Variants in IDUA observed in about 807,000 individuals in gnomAD.
IDUA encodes iduronidase alpha-L-.
A neutral mutation model predicts 68.9 loss-of-function variants in IDUA; 65 were observed. That is an observed-to-expected ratio of 0.94 (90% CI 0.77 to 1.16). IDUA has a LOEUF of 1.16. IDUA is among the 50% of genes most tolerant of loss of function. IDUA has a pLI of 0.00. For missense variants in IDUA, 1,046 were observed against 938.0 expected, an observed-to-expected ratio of 1.12 and a Z score of -1.50; for synonymous variants, 529 against 433.6, an observed-to-expected ratio of 1.22 and a Z score of -2.73.
chr4:999,771 C>T (rs13128333), intron 2 of IDUA: 8 of 84,568 alleles, frequency 9.5e-5, no homozygotes, highest in South Asian at 4.9e-4. Context: ...CCTGTCCCCT[C>T]GTAATGCAGG....
chr4:990,195 T>C (rs1714163573), intron 2 of IDUA: 5 of 1,561,862 alleles, frequency 3.2e-6, no homozygotes, highest in African/African-American at 1.4e-5. Flanking sequence ...GGCTCAGCCA[T>C]GTGAGGACCA....
chr4:1,000,110 G>A, intron 2 of IDUA: 1 of 188,642 alleles, frequency 5.3e-6, no homozygotes, highest in Non-Finnish European at 1.1e-5. Flanking sequence ...GACGACGCCT[G>A]TCCCCTCGGA....
rs530601179 is a variant in IDUA, at chr4:1,000,764, C to A, written c.385+67C>A. ...TTGCCCTGCCCACCCTCTCCCTCAC[C>A]CAGCCCCTCTGAGTCCTTGGATGTC... On this transcript the variant is annotated intron_variant, in intron 3 of 13. Coordinates refer to ENST00000514224, the MANE Select transcript of IDUA (RefSeq NM_000203.5). The A allele has an allele frequency of 1.8e-4, 261 of 1,479,840 alleles. No homozygotes were observed. In the South Asian group the frequency reaches 2.7e-3, roughly 15 times the overall value. The allele number at this position is 1,479,840 out of a possible 1,614,324, so 91.7% of individuals were successfully genotyped here.
At chr4:991,558 A>C in intron 2 of IDUA, 1 of 1,604,730 alleles carries the variant, frequency 6.2e-7, no homozygotes, top group Non-Finnish European at 8.5e-7. Flanking sequence ...GTCCTGCACC[A>C]GCGCCCGGAC....
In IDUA at chr4:1,004,305, A is replaced by C. The variant is rs587779401; in HGVS notation, c.1874A>C (p.Tyr625Ser). 1 of 1,611,210 alleles carries C rather than the reference A, an allele frequency of 6.2e-7. No individual in the cohort carries two copies. The highest frequency in any genetic ancestry group is 2.2e-5 in the East Asian group (1 of 44,832). The change falls in exon 14 of 14, where the codon TAC (tyrosine) becomes TCC (serine). Residue 625 changes from tyrosine to serine, a missense_variant. Physicochemically the swap from Tyr to Ser is moderately radical, Grantham distance 144. Transcript: ENST00000514224. The surrounding 1 kb of genome is among the most constrained non-coding windows in gnomAD (Gnocchi z 5.0). ...SGSYRVRALDYWARPGPFSDP... is the reference protein window; with the variant it reads ...SGSYRVRALDSWARPGPFSDP... ...TCCTACCGAGTTCGAGCCCTGGACT[A>C]CTGGGCCCGACCAGGCCCCTTCTCG...
At chr4:1,001,023 G>C (rs1715039813) in intron 4 of IDUA, 34 bp downstream of exon 4, 3 of 1,497,434 alleles carry the variant, frequency 2.0e-6, no homozygotes, top group Non-Finnish European at 2.8e-6. Context: ...CCCTGGCCGG[G>C]GCGGGGGTAC....
rs1421727441 is a variant in IDUA, at chr4:1,002,312, C to T, written c.1016C>T (p.Ser339Phe). ...AACCTGCTACTGGCCAACACCACCT[C>T]CGCCTTCCCCTACGCGCTCCTGAGC... Reference protein sequence around the residue: ...HQNLLLANTTSAFPYALLSND... With the variant: ...HQNLLLANTTFAFPYALLSND... Residue 339 changes from serine to phenylalanine, a missense_variant, in exon 8 of 14, where the codon TCC becomes TTC. Coordinates refer to ENST00000514224, the MANE Select transcript of IDUA (RefSeq NM_000203.5). 6 of 1,612,994 alleles carry T rather than the reference C, an allele frequency of 3.7e-6. No homozygotes were observed. In the Admixed American group the frequency reaches 8.3e-5, roughly 22 times the overall value.
chr4:1,003,774 C>T, intron 12 of IDUA, 149 bp downstream of exon 12: 2 of 903,320 alleles, frequency 2.2e-6, no homozygotes, highest in Non-Finnish European at 3.5e-6. Flanking sequence ...TCACCCCACA[C>T]ACTGTGGGCC....
intron 2 of IDUA, chr4:990,277 A>G: frequency 6.3e-7 from 1 of 1,599,990 alleles, no homozygotes; most frequent in Non-Finnish European, 8.5e-7. Context: ...CAGGATGGTC[A>G]CGGAGGCCCC....
In IDUA at chr4:990,117, CA is replaced by C. The variant is rs767260790; in HGVS notation, c.299+2169del. 1.9e-6 allele frequency: 3 copies of C among 1,580,946 alleles called. No homozygotes were observed. In the East Asian group the frequency reaches 7.0e-5, roughly 37 times the overall value. On this transcript the variant is annotated intron_variant, in intron 2 of 13. Transcript: ENST00000514224. Reference sequence around the variant, plus strand: ...GGTCTGAGAGCTCCTTCGCGGCTAGCAGCACCGCCAGGCACACCGTGCTGGT... The same window carrying C: ...GGTCTGAGAGCTCCTTCGCGGCTAGCGCACCGCCAGGCACACCGTGCTGGT...
chr4:989,825 G>C lies in IDUA; in HGVS notation c.299+1876G>C. 5.1e-6 allele frequency: 8 copies of C among 1,579,690 alleles called. No individual in the cohort carries two copies. The South Asian group carries it at 9.2e-5, about 18-fold the overall frequency. ...ACAGCCAGCAGCTCCTGGTTGGCAC[G>C]CACAGAGTAGCCGTGACTGCGGGCG... On this transcript the variant is annotated intron_variant, in intron 2 of 13. Transcript: ENST00000514224.
chr4:994,299 G>A (rs1024564213), intron 2 of IDUA, among the ~76,000 whole-genome samples: 7 of 150,762 alleles, frequency 4.6e-5, no homozygotes, highest in South Asian at 4.2e-4. Flanking sequence ...TTTTTGAGGC[G>A]GAGTCTTGCT....
At position 1,001,893 on chromosome 4, in the gene IDUA, C is replaced by T. The variant is rs757783999; in HGVS notation, c.792+12C>T. The T allele has an allele frequency of 1.5e-5, 23 of 1,573,004 alleles. No homozygotes were observed. Among genetic ancestry groups the T allele is most frequent in the Admixed American group, 1.9e-5 (1 of 53,080 alleles). ...CCCTCCACAGGAAGGTGCGCCCTGC[C>T]CCTCCGTCCGCCCCGGTGTTCTGCG... On this transcript the variant is annotated intron_variant, in intron 6 of 13. Transcript: ENST00000514224.
intron 2 of IDUA, chr4:990,536 C>G (rs570306488): frequency 1.5e-6 from 1 of 645,626 alleles, no homozygotes. Context: ...TCTGGTTCCA[C>G]GCGTGCTCAT....
rs765012552 is a variant in IDUA, at chr4:989,169, G to A, written c.299+1220G>A. Reference sequence around the variant, plus strand: ...TGGTGCTAACCGGGCCCAGGTCCTCGCCCTGGGCAGGGCCTCCCTCACCGA... The same window carrying A: ...TGGTGCTAACCGGGCCCAGGTCCTCACCCTGGGCAGGGCCTCCCTCACCGA... On this transcript the variant is annotated intron_variant, in intron 2 of 13. Coordinates refer to ENST00000514224, the MANE Select transcript of IDUA (RefSeq NM_000203.5). The A allele has an allele frequency of 1.9e-5, 31 of 1,607,182 alleles. No homozygotes were observed. In the African/African-American group the frequency reaches 2.0e-4, roughly 10 times the overall value.
chr4:989,236 C>A lies in IDUA; in HGVS notation c.299+1287C>A. ...CCCCTCCTTCCTCCTGGCAGCCATGCACCCTGCGTCCAGCCCCGTGAGGCT... is the reference window on the plus strand; with the variant it reads ...CCCCTCCTTCCTCCTGGCAGCCATGAACCCTGCGTCCAGCCCCGTGAGGCT... On this transcript the variant is annotated intron_variant, in intron 2 of 13. Transcript: ENST00000514224. 6.2e-7 allele frequency: 1 copy of A among 1,612,392 alleles called. No homozygotes were observed. The highest frequency in any genetic ancestry group is 1.7e-5 in the Admixed American group (1 of 59,996).
chr4:1,002,699 C>T, intron 8 of IDUA, 33 bp from the exon 9 acceptor site: 1 of 1,413,042 alleles, frequency 7.1e-7, no homozygotes, highest in Non-Finnish European at 9.4e-7. Flanking sequence ...GGGCAACGAC[C>T]CCACGCGGCG....
At chr4:1,001,021 G>T in intron 4 of IDUA, 32 bp downstream of exon 4, 1 of 1,487,798 alleles carries the variant, frequency 6.7e-7, no homozygotes, top group Non-Finnish European at 9.4e-7. Context: ...GGCCCTGGCC[G>T]GGGCGGGGGT....
chr4:991,722 G>C (rs755113246), intron 2 of IDUA: 2 of 1,534,150 alleles, frequency 1.3e-6, no homozygotes, highest in South Asian at 2.5e-5. Flanking sequence ...GTCAGGTCCC[G>C]TGGCCGACCT....
Sources: allele counts gnomAD v4.1 joint callset (sites outside exome capture counted in the v4.1 genomes callset), GRCh38; gene constraint gnomAD v4.1.1; non-coding constraint Gnocchi (gnomAD v3.1); transcripts MANE v1.5; gene names NCBI Gene and HGNC (gene_info 2026-07-23, HGNC 2026-07-21).